Variants in RAB27A observed in about 807,000 individuals in gnomAD.
RAB27A encodes RAB27A, member RAS oncogene family, also known as ras-related protein Rab-27A.
RAB27A carries 17 observed loss-of-function variants against 20.8 expected under a neutral mutation model. The ratio of observed to expected loss-of-function variants is 0.82; its 90% confidence interval spans 0.56 to 1.23. RAB27A has a LOEUF of 1.23. Among genes scored for constraint, RAB27A ranks in the 50% most tolerant of loss-of-function variants. The pLI, the probability that RAB27A is intolerant of heterozygous loss-of-function variation, is 0.00. For missense variants in RAB27A, 277 were observed against 266.7 expected (o/e 1.04, Z -0.27); for synonymous variants, 85 against 92.8 (o/e 0.92, Z 0.48).
intron 2 of RAB27A, among the ~76,000 whole-genome samples, chr15:55,246,873 C>A (rs1023301916): frequency 4.0e-5 from 6 of 150,198 alleles, no homozygotes; most frequent in African/African-American, 1.5e-4. Flanking sequence ...TGAGTGGTTG[C>A]TTTTTGTGAG....
In RAB27A at chr15:55,232,984, G is replaced by A. The variant is rs138331075; in HGVS notation, c.153+1798C>T. 4.0e-3 allele frequency among the ~76,000 whole-genome samples: 603 copies of A among 152,232 alleles called. 1 individual carries two copies. Among genetic ancestry groups the A allele is most frequent in the Non-Finnish European group, 6.4e-3 (435 of 68,016 alleles). On this transcript the variant is annotated intron_variant, in intron 3 of 6. Coordinates refer to ENST00000336787, the MANE Select transcript of RAB27A (RefSeq NM_183235.3). ...ACTAAAAATATAAACAATTAGCCGG[G>A]TGTGGTGGCGGGTGCCTGTAATCCT...
chr15:55,205,194 A>G lies in RAB27A; in HGVS notation c.*313T>C, dbSNP rs146602004. ...AGGTGACAGTACCCTCATTCATTCTACATAATAAATACACTCTTCTGTGAC... is the reference window on the plus strand; with the variant it reads ...AGGTGACAGTACCCTCATTCATTCTGCATAATAAATACACTCTTCTGTGAC... On this transcript the variant is annotated 3_prime_UTR_variant, in exon 7 of 7. Transcript: ENST00000336787. 1.8e-3 allele frequency: 692 copies of G among 394,910 alleles called. 4 individuals are homozygous for G. Among genetic ancestry groups the G allele is most frequent in the African/African-American group, 0.013 (648 of 48,842 alleles). The allele number at this position is 394,910 out of a possible 1,614,324, so 24.5% of individuals were successfully genotyped here.
chr15:55,259,325 G>A (rs755658925), intron 2 of RAB27A, among the ~76,000 whole-genome samples: 13 of 150,798 alleles, frequency 8.6e-5, no homozygotes, highest in South Asian at 8.4e-4. Context: ...ATGGAGACAC[G>A]GTCTCACTCC....
intron 6 of RAB27A, among the ~76,000 whole-genome samples, chr15:55,216,080 A>G (rs1895289646): frequency 6.6e-6 from 1 of 152,140 alleles, no homozygotes; most frequent in African/African-American, 2.4e-5. Context: ...CTTCATCTGT[A>G]ATACCAAATA....
intron 2 of RAB27A, among the ~76,000 whole-genome samples, chr15:55,313,353 A>G (rs984579171): frequency 6.6e-5 from 10 of 152,194 alleles, no homozygotes; most frequent in Admixed American, 2.0e-4. Flanking sequence ...ATAGCGAGCA[A>G]TGATGATACT....
chr15:55,319,086 G>C, exon 1 of RAB27A: 1 of 813,184 alleles, frequency 1.2e-6, no homozygotes, highest in South Asian at 2.1e-5. Context: ...ACGGCGAAAG[G>C]AAACCGCAAG....
At chr15:55,269,022 G>A (rs1468702631) in intron 2 of RAB27A, among the ~76,000 whole-genome samples, 1 of 152,168 alleles carries the variant, frequency 6.6e-6, no homozygotes, top group Non-Finnish European at 1.5e-5. Flanking sequence ...ATAGGGAGAA[G>A]ACAGCCATCC....
chr15:55,284,248 C>G (rs907229022), intron 1 of RAB27A, among the ~76,000 whole-genome samples: 1 of 152,176 alleles, frequency 6.6e-6, no homozygotes, highest in African/African-American at 2.4e-5. Context: ...AAGTCACATA[C>G]ACCTGTCTAT....
chr15:55,214,219 G>A (rs7181461), intron 6 of RAB27A, among the ~76,000 whole-genome samples: 42,161 of 152,020 alleles, frequency 0.28, 10,307 homozygotes, highest in African/African-American at 0.67. Flanking sequence ...GGCGGATCAC[G>A]AAGTCGGGAG....
rs1894589209 is a variant in RAB27A, at chr15:55,205,336, A to G, written c.*171T>C. 1.4e-6 allele frequency: 1 copy of G among 705,470 alleles called. No individual in the cohort carries two copies. The allele number at this position is 705,470 out of a possible 1,614,324, so 43.7% of individuals were successfully genotyped here. A position where few individuals can be genotyped will look rare whatever the true frequency, so the allele number is the denominator to read the frequency against. ...GCTGAATCTTAAAGAAATATTTACA[A>G]AGCTGCAACAAATTAATTTTAGAAC... On this transcript the variant is annotated 3_prime_UTR_variant, in exon 7 of 7. Coordinates refer to ENST00000336787, the MANE Select transcript of RAB27A (RefSeq NM_183235.3).
intron 2 of RAB27A, among the ~76,000 whole-genome samples, chr15:55,302,056 G>C (rs2141142561): frequency 6.6e-6 from 1 of 151,882 alleles, no homozygotes; most frequent in South Asian, 2.1e-4. Flanking sequence ...TTGTGCCTGT[G>C]ATCCCACCTA....
upstream of RAB27A, among the ~76,000 whole-genome samples, chr15:55,291,299 A>G (rs1419205446): frequency 6.6e-6 from 1 of 152,152 alleles, no homozygotes; most frequent in Non-Finnish European, 1.5e-5. Context: ...TCACGAAGTC[A>G]GGAGATCGAG....
At chr15:55,263,594 T>C (rs1595730323) in intron 2 of RAB27A, among the ~76,000 whole-genome samples, 2 of 152,202 alleles carry the variant, frequency 1.3e-5, no homozygotes, top group African/African-American at 4.8e-5. Context: ...ATTATAAAAA[T>C]GCCAAGTATC....
chr15:55,274,860 TA>T (rs1411695380), intron 1 of RAB27A, among the ~76,000 whole-genome samples: 2 of 122,476 alleles, frequency 1.6e-5, no homozygotes, highest in African/African-American at 2.9e-5. Context: ...TTAGCTAGTC[TA>T]AAAAAAAGAG....
rs983246964 is a variant in RAB27A at position 55,318,999 on chromosome 15, G to A, written c.-302C>T. 1.3e-5 allele frequency: 6 copies of A among 465,628 alleles called. No individual in the cohort carries two copies. In the Admixed American group the frequency reaches 1.8e-4, roughly 14 times the overall value. 28.8% of individuals were successfully genotyped at this position (465,628 alleles called of 1,614,324 possible). ...CGCCTGCTCCCCTCCAGAGACCGGG[G>A]GCCTTCCAGCAGTTTTCGGACCCCC... On this transcript the variant is annotated 5_prime_UTR_variant, in exon 1 of 6. Transcript: ENST00000563262.
At chr15:55,264,543 TG>T (rs776289889) in intron 2 of RAB27A, among the ~76,000 whole-genome samples, 44 of 152,160 alleles carry the variant, frequency 2.9e-4, no homozygotes, top group Non-Finnish European at 4.7e-4. Context: ...TAGGAGGATG[TG>T]GGAAAGGGTT....
At chr15:55,223,154 C>A (rs1382261147) in intron 6 of RAB27A, among the ~76,000 whole-genome samples, 1 of 152,120 alleles carries the variant, frequency 6.6e-6, no homozygotes, top group Non-Finnish European at 1.5e-5. Flanking sequence ...CTGCAATAAC[C>A]AATAAGCCCT....
chr15:55,208,140 AAT>A (rs1894742513), intron 6 of RAB27A, among the ~76,000 whole-genome samples: 2 of 152,196 alleles, frequency 1.3e-5, no homozygotes, highest in Admixed American at 1.3e-4. Context: ...TAAGCGCATG[AAT>A]AGTGATATTT....
At chr15:55,266,830 G>C (rs547654494) in intron 2 of RAB27A, among the ~76,000 whole-genome samples, 88 of 152,296 alleles carry the variant, frequency 5.8e-4, no homozygotes, top group African/African-American at 2.1e-3. Flanking sequence ...TACACAACCA[G>C]TTAAACATCT....
Sources: allele counts gnomAD v4.1 joint callset (sites outside exome capture counted in the v4.1 genomes callset), GRCh38; gene constraint gnomAD v4.1.1; transcripts MANE v1.5; gene names NCBI Gene and HGNC (gene_info 2026-07-23, HGNC 2026-07-21).